The following WWOX variants were observed in gnomAD, a reference collection of about 807,000 sequenced individuals.
The protein encoded by WWOX is WW domain-containing oxidoreductase.
Under a neutral mutation model 46.2 loss-of-function variants are expected in WWOX, and 69 were observed. That is an observed-to-expected ratio of 1.49 (90% CI 1.23 to 1.82). The LOEUF (loss-of-function observed/expected upper bound fraction) is 1.82. WWOX is among the 40% of genes most tolerant of loss of function. The pLI is 0.00. For missense variants in WWOX, 919 were observed against 542.6 expected (o/e 1.69, Z -6.89); for synonymous variants, 359 against 202.6 (o/e 1.77, Z -6.56).
At chr16:78,881,832 G>C (rs543161181) in intron 8 of WWOX, among the ~76,000 whole-genome samples, 1 of 152,254 alleles carries the variant, frequency 6.6e-6, no homozygotes, top group Admixed American at 6.5e-5. Flanking sequence ...CGAATTAGAA[G>C]AACTGACAGT....
intron 8 of WWOX, among the ~76,000 whole-genome samples, chr16:79,118,335 A>C (rs571346522): frequency 1.3e-5 from 2 of 152,354 alleles, no homozygotes; most frequent in East Asian, 3.9e-4. Context: ...GCCATCTGAT[A>C]TGGGTGCAGT....
At chr16:78,618,503 A>G (rs935759151) in intron 8 of WWOX, among the ~76,000 whole-genome samples, 1 of 152,136 alleles carries the variant, frequency 6.6e-6, no homozygotes, top group Non-Finnish European at 1.5e-5. Context: ...GGCACTGGTC[A>G]TATTGGATTA....
intron 8 of WWOX, among the ~76,000 whole-genome samples, chr16:78,866,777 C>T (rs750558947): frequency 2.6e-5 from 4 of 152,190 alleles, no homozygotes; most frequent in African/African-American, 7.2e-5. Context: ...GAATTGGGGA[C>T]AGTCTGTAAT....
intron 8 of WWOX, among the ~76,000 whole-genome samples, chr16:79,077,752 G>T (rs1347772240): frequency 6.7e-6 from 1 of 149,788 alleles, no homozygotes; most frequent in Non-Finnish European, 1.5e-5. Context: ...AAATCCTTTT[G>T]TTTTGTTATC....
intron 8 of WWOX, among the ~76,000 whole-genome samples, chr16:78,699,617 T>G: frequency 6.6e-6 from 1 of 152,176 alleles, no homozygotes; most frequent in Non-Finnish European, 1.5e-5. Flanking sequence ...CAGCATTATT[T>G]TTTGGTTAAT....
At chr16:78,443,863 A>T (rs866012039) in intron 8 of WWOX, among the ~76,000 whole-genome samples, 1 of 151,756 alleles carries the variant, frequency 6.6e-6, no homozygotes, top group Non-Finnish European at 1.5e-5. Flanking sequence ...CTCCAATTTC[A>T]TACTTATTTC....
chr16:78,892,512 A>T (rs2044612666), intron 8 of WWOX, among the ~76,000 whole-genome samples: 1 of 152,226 alleles, frequency 6.6e-6, no homozygotes, highest in African/African-American at 2.4e-5. Context: ...TCCAGAACAC[A>T]TGTCAAGAAG....
At chr16:78,845,423 C>T (rs2151173668) in intron 8 of WWOX, among the ~76,000 whole-genome samples, 1 of 152,252 alleles carries the variant, frequency 6.6e-6, no homozygotes, top group East Asian at 1.9e-4. Context: ...TTAGGAGCGG[C>T]CTGGAAACTG....
intron 8 of WWOX, among the ~76,000 whole-genome samples, chr16:78,881,538 G>C (rs1209967867): frequency 3.9e-5 from 6 of 152,164 alleles, no homozygotes; most frequent in African/African-American, 9.7e-5. Flanking sequence ...CAGGATCCTT[G>C]CTGGAATAGT....
At chr16:79,077,124 C>T (rs565928611) in intron 8 of WWOX, among the ~76,000 whole-genome samples, 2 of 152,298 alleles carry the variant, frequency 1.3e-5, no homozygotes, top group South Asian at 4.1e-4. Context: ...CACTGCTCTC[C>T]AACCCCTAAG....
chr16:78,374,340 T>A (rs912816320), intron 5 of WWOX, among the ~76,000 whole-genome samples: 1 of 152,122 alleles, frequency 6.6e-6, no homozygotes, highest in South Asian at 2.1e-4. Flanking sequence ...ATTTAATGGA[T>A]CAGTGAAATC....
At chr16:78,641,581 G>A (rs1017716089) in intron 8 of WWOX, among the ~76,000 whole-genome samples, 2 of 152,172 alleles carry the variant, frequency 1.3e-5, no homozygotes, top group Non-Finnish European at 1.5e-5. Flanking sequence ...ATAGGTAGAA[G>A]GAAGGGAAAC....
At chr16:78,474,832 T>A (rs984669544) in intron 8 of WWOX, among the ~76,000 whole-genome samples, 1 of 152,238 alleles carries the variant, frequency 6.6e-6, no homozygotes. Context: ...GCTCACACGA[T>A]ATGTGGTTCT....
intron 5 of WWOX, among the ~76,000 whole-genome samples, chr16:78,315,654 G>C (rs1407359448): frequency 2.6e-5 from 4 of 151,940 alleles, no homozygotes; most frequent in Non-Finnish European, 5.9e-5. Flanking sequence ...TCTCAAAAAA[G>C]AATAAAAATG....
intron 5 of WWOX, among the ~76,000 whole-genome samples, chr16:78,286,333 A>T (rs1233738358): frequency 2.0e-5 from 3 of 152,266 alleles, no homozygotes; most frequent in Non-Finnish European, 4.4e-5. Context: ...GTTTTGAAGT[A>T]GATTTTTTTC....
chr16:78,230,596 A>T (rs1478918103), intron 5 of WWOX, among the ~76,000 whole-genome samples: 1 of 152,232 alleles, frequency 6.6e-6, no homozygotes, highest in East Asian at 1.9e-4. Context: ...CAAAAAGAAT[A>T]CTATCAACTG....
intron 8 of WWOX, among the ~76,000 whole-genome samples, chr16:79,029,372 A>G (rs1273447906): frequency 6.6e-6 from 1 of 152,188 alleles, no homozygotes; most frequent in African/African-American, 2.4e-5. Context: ...AATTTCCTCC[A>G]CATACACAGT....
chr16:78,424,942 G>A lies in WWOX; in HGVS notation c.678G>A (p.Glu226=), dbSNP rs750905852. The A allele has an allele frequency of 2.5e-6, 4 of 1,614,138 alleles. No individual in the cohort carries two copies. Among genetic ancestry groups the A allele is most frequent in the Admixed American group, 1.7e-5 (1 of 60,018 alleles). ...GGAGTCTCACCAAAGATGGCCTGGAGACCACCTTTCAAGTGAATCATCTGG... is the reference window on the plus strand; with the variant it reads ...GGAGTCTCACCAAAGATGGCCTGGAAACCACCTTTCAAGTGAATCATCTGG... ...LPWSLTKDGL[E]TTFQVNHLGH... is the part of the protein sequence containing the mutation. Residue 226 remains glutamate (E), a synonymous_variant, in exon 7 of 9, where the codon GAG becomes GAA. Transcript: ENST00000566780.
chr16:78,988,029 G>T (rs903132763), intron 8 of WWOX, among the ~76,000 whole-genome samples: 9 of 152,064 alleles, frequency 5.9e-5, no homozygotes, highest in African/African-American at 2.2e-4. Context: ...GGTGGTCAAG[G>T]TGTAGGGAAA....
Sources: allele counts gnomAD v4.1 joint callset (sites outside exome capture counted in the v4.1 genomes callset), GRCh38; gene constraint gnomAD v4.1.1; transcripts MANE v1.5; gene names NCBI Gene and HGNC (gene_info 2026-07-23, HGNC 2026-07-21).